Variants in MID1 observed in about 807,000 individuals in gnomAD.
MID1 encodes midline 1, also known as E3 ubiquitin-protein ligase Midline-1.
In MID1, 7 loss-of-function variants were observed where a neutral mutation model predicts 40.4. That is an observed-to-expected ratio of 0.17 (90% CI 0.10 to 0.33). MID1 has a LOEUF of 0.33. Ranked by LOEUF, MID1 falls within the 10% of genes least tolerant of loss-of-function variation. The pLI is 1.00. For synonymous variants in MID1, 229 were observed against 221.2 expected (o/e 1.04, Z -0.31); for missense variants, 367 against 558.5 (o/e 0.66, Z 3.46).
chrX:10,705,126 C>T (rs1311750529), intron 1 of MID1, among the ~76,000 whole-genome samples: 2 of 111,931 alleles, frequency 1.8e-5, no homozygotes, highest in East Asian at 2.8e-4. Context: ...AATCACCTAG[C>T]CTTTTTTCTT....
intron 1 of MID1, among the ~76,000 whole-genome samples, chrX:10,760,283 C>T (rs2043668143): frequency 9.0e-6 from 1 of 111,494 alleles, no homozygotes; most frequent in African/African-American, 3.3e-5. Flanking sequence ...GCTCACGTTT[C>T]TCTTTTCATT....
chrX:10,697,136 A>G (rs1299956582), intron 1 of MID1, among the ~76,000 whole-genome samples: 1 of 111,793 alleles, frequency 8.9e-6, no homozygotes, highest in Admixed American at 9.5e-5. Context: ...TTTAATTCAG[A>G]AATCTACCAG....
At chrX:10,672,589 A>G (rs2042994940) in intron 1 of MID1, among the ~76,000 whole-genome samples, 1 of 111,858 alleles carries the variant, frequency 8.9e-6, no homozygotes, top group African/African-American at 3.2e-5. Flanking sequence ...TTGGAAAAGC[A>G]GGGAACAGAT....
At chrX:10,727,472 C>G (rs2043402168) in intron 1 of MID1, among the ~76,000 whole-genome samples, 1 of 112,560 alleles carries the variant, frequency 8.9e-6, no homozygotes, top group Admixed American at 9.4e-5. Context: ...ATTAGTCCAT[C>G]AGAGCTATGT....
intron 2 of MID1, among the ~76,000 whole-genome samples, chrX:10,559,458 G>A (rs1450873475): frequency 8.9e-6 from 1 of 112,557 alleles, no homozygotes; most frequent in Non-Finnish European, 1.9e-5. Flanking sequence ...TAGTCTGTCT[G>A]TATTTTAGAT....
chrX:10,533,390 GAAAA>G (rs1362882342), intron 2 of MID1, among the ~76,000 whole-genome samples: 13 of 35,984 alleles, frequency 3.6e-4, no homozygotes, highest in Non-Finnish European at 6.0e-4. Context: ...AAGAAAGAAA[GAAAA>G]GAAAGAAAGA....
intron 2 of MID1, among the ~76,000 whole-genome samples, chrX:10,564,706 A>C (rs1934459550): frequency 9.0e-6 from 1 of 111,623 alleles, no homozygotes; most frequent in Non-Finnish European, 1.9e-5. Context: ...AAATTTGGAG[A>C]TGTTATGTAA....
chrX:10,525,368 C>T (rs1224656082), intron 2 of MID1, among the ~76,000 whole-genome samples: 1 of 111,862 alleles, frequency 8.9e-6, no homozygotes, highest in African/African-American at 3.2e-5. Flanking sequence ...ATCACATCTC[C>T]CTTTTCTTAT....
At chrX:10,696,900 C>T (rs2043166641) in intron 1 of MID1, among the ~76,000 whole-genome samples, 1 of 111,983 alleles carries the variant, frequency 8.9e-6, no homozygotes, top group South Asian at 3.7e-4. Context: ...TATATGCTGG[C>T]TAATGATCAC....
chrX:10,812,544 A>C (rs1180982072), intron 1 of MID1, among the ~76,000 whole-genome samples: 3 of 110,950 alleles, frequency 2.7e-5, no homozygotes, highest in Non-Finnish European at 3.8e-5. Context: ...CCTAGATCAG[A>C]AACTAGATGA....
chrX:10,496,705 T>C (rs1317507191), intron 3 of MID1, among the ~76,000 whole-genome samples: 2 of 112,135 alleles, frequency 1.8e-5, no homozygotes, highest in Non-Finnish European at 3.8e-5. Context: ...TCTCTATGAA[T>C]GAGATAAACT....
chrX:10,786,832 G>C (rs1244687469), intron 1 of MID1, among the ~76,000 whole-genome samples: 3 of 78,207 alleles, frequency 3.8e-5, no homozygotes, highest in Admixed American at 1.6e-4. Context: ...TGGGGGGAGG[G>C]GGGAGGGATA....
chrX:10,703,670 A>T (rs1209761342), intron 1 of MID1, among the ~76,000 whole-genome samples: 3 of 111,957 alleles, frequency 2.7e-5, no homozygotes, highest in Non-Finnish European at 5.6e-5. Context: ...CTGTTTAAAA[A>T]AAAGTTTATT....
chrX:10,504,467 C>T (rs900366719), intron 3 of MID1, among the ~76,000 whole-genome samples: 6 of 111,533 alleles, frequency 5.4e-5, no homozygotes, highest in African/African-American at 2.0e-4. Flanking sequence ...ATCACTATTG[C>T]TAACAAACTC....
At chrX:10,817,550 T>TTCTTTCTTTCTTTCTTTCTTTCTTTCTC (rs2044145790) in intron 1 of MID1, among the ~76,000 whole-genome samples, 1 of 103,455 alleles carries the variant, frequency 9.7e-6, no homozygotes, top group East Asian at 3.0e-4. Flanking sequence ...CTTTCTTTCT[T>TTCTTTCTTTCTTTCTTTCTTTCTTTCTC]TCTTTCTTTC....
chrX:10,759,000 G>A (rs1024429211), intron 1 of MID1, among the ~76,000 whole-genome samples: 2 of 111,903 alleles, frequency 1.8e-5, no homozygotes, highest in African/African-American at 6.5e-5. Flanking sequence ...TTCCCACAGT[G>A]TAAACTTTCC....
At chrX:10,819,233 G>C (rs750153963) in intron 1 of MID1, among the ~76,000 whole-genome samples, 1 of 111,389 alleles carries the variant, frequency 9.0e-6, no homozygotes, top group Non-Finnish European at 1.9e-5. Flanking sequence ...GAGAGAGAGA[G>C]AGAGAGAGAG....
chrX:10,474,986 T>C (rs1315009698), intron 5 of MID1: 1 of 442,412 alleles, frequency 2.3e-6, no homozygotes. Context: ...TCTTCCTTTT[T>C]ACTATCAGGA....
At chrX:10,533,068 G>A (rs2706262) in intron 2 of MID1, among the ~76,000 whole-genome samples, 34,211 of 108,732 alleles carry the variant, frequency 0.31, 4,262 homozygotes, top group Non-Finnish European at 0.38. Flanking sequence ...CACCGTGCCC[G>A]CCCTCATTTT....
Sources: gnomAD v4.1 joint callset for allele counts (sites outside exome capture counted in the v4.1 genomes callset) on GRCh38, gnomAD v4.1.1 for gene constraint, MANE v1.5 for transcripts, NCBI Gene and HGNC (gene_info 2026-07-23, HGNC 2026-07-21) for gene names.